The following NTM variants were observed in gnomAD, a reference collection of about 807,000 sequenced individuals.
NTM encodes the protein IgLON family member 2.
NTM carries 13 observed loss-of-function variants against 42.1 expected under a neutral mutation model. That is an observed-to-expected ratio of 0.31 (90% confidence interval 0.20 to 0.49). NTM has a LOEUF of 0.49. Among genes scored for constraint, NTM ranks in the 20% least tolerant of loss-of-function variants. The probability of loss-of-function intolerance (pLI) is 0.99; values close to 1 mark genes in which losing one functional copy is unlikely to be tolerated. For synonymous variants in NTM, 187 were observed against 179.2 expected (o/e 1.04, Z -0.35); for missense variants, 373 against 452.8 (o/e 0.82, Z 1.60).
At chr11:132,148,309 A>AT (rs2071037780) in intron 3 of NTM, among the ~76,000 whole-genome samples, 1 of 152,216 alleles carries the variant, frequency 6.6e-6, no homozygotes, top group Non-Finnish European at 1.5e-5. Flanking sequence ...TGTAAAATAC[A>AT]TTTTTTATTA....
chr11:132,124,129 C>T (rs1219169742), intron 2 of NTM, among the ~76,000 whole-genome samples: 1 of 152,174 alleles, frequency 6.6e-6, no homozygotes, highest in Non-Finnish European at 1.5e-5. Context: ...CTGGCACACT[C>T]CAGTGATCAA....
chr11:132,093,013 G>C (rs1054045547), intron 2 of NTM, among the ~76,000 whole-genome samples: 1 of 152,168 alleles, frequency 6.6e-6, no homozygotes, highest in African/African-American at 2.4e-5. Flanking sequence ...CAGCTAGAAA[G>C]AGCCTTTGAA....
chr11:132,242,155 T>C (rs2139228772), intron 4 of NTM, among the ~76,000 whole-genome samples: 1 of 152,332 alleles, frequency 6.6e-6, no homozygotes, highest in East Asian at 1.9e-4. Context: ...TCTCAGTCCT[T>C]AGCCTCAGAT....
intron 1 of NTM, among the ~76,000 whole-genome samples, chr11:131,574,023 T>C (rs2057702136): frequency 6.6e-6 from 1 of 152,184 alleles, no homozygotes; most frequent in African/African-American, 2.4e-5. Context: ...CAAATTGCTC[T>C]ATTCCCTCTC....
intron 1 of NTM, among the ~76,000 whole-genome samples, chr11:131,586,383 C>G (rs1202685709): frequency 6.6e-6 from 1 of 152,146 alleles, no homozygotes; most frequent in Non-Finnish European, 1.5e-5. Context: ...AATTAAGTTA[C>G]AAAAAGCCCA....
chr11:131,372,983 C>T (rs776241662), intron 1 of NTM, among the ~76,000 whole-genome samples: 2 of 152,064 alleles, frequency 1.3e-5, no homozygotes, highest in Non-Finnish European at 2.9e-5. Flanking sequence ...CACATTCTAC[C>T]GAATCCGGAA....
chr11:132,235,000 G>A (rs1432255772), intron 4 of NTM, among the ~76,000 whole-genome samples: 3 of 152,196 alleles, frequency 2.0e-5, no homozygotes, highest in Non-Finnish European at 4.4e-5. Context: ...CAGGCAACAT[G>A]CCTGCCTGTA....
chr11:131,445,650 C>T (rs1949999991), intron 1 of NTM, among the ~76,000 whole-genome samples: 1 of 152,106 alleles, frequency 6.6e-6, no homozygotes, highest in East Asian at 1.9e-4. Context: ...TGTAAGTGAC[C>T]AGGACACATG....
intron 1 of NTM, among the ~76,000 whole-genome samples, chr11:131,851,854 G>T (rs2045593183): frequency 6.6e-6 from 1 of 152,134 alleles, no homozygotes; most frequent in African/African-American, 2.4e-5. Flanking sequence ...AATGACACAA[G>T]ATAGAGAAGA....
At chr11:131,409,170 C>T (rs1003330491) in intron 1 of NTM, among the ~76,000 whole-genome samples, 15 of 152,226 alleles carry the variant, frequency 9.9e-5, no homozygotes, top group Non-Finnish European at 1.9e-4. Flanking sequence ...GGCAGGTGTA[C>T]AGCCAAATAC....
At chr11:131,747,026 C>T (rs1591569933) in intron 1 of NTM, among the ~76,000 whole-genome samples, 1 of 152,258 alleles carries the variant, frequency 6.6e-6, no homozygotes, top group East Asian at 1.9e-4. Flanking sequence ...AAATGACATA[C>T]ATATTTTTTA....
At chr11:131,821,851 C>T (rs1189754624) in intron 1 of NTM, among the ~76,000 whole-genome samples, 24 of 152,156 alleles carry the variant, frequency 1.6e-4, no homozygotes, top group Non-Finnish European at 2.9e-5. Context: ...AAGCTGATTT[C>T]ACAGAACTTT....
chr11:131,474,665 T>A (rs1364761622), intron 1 of NTM, among the ~76,000 whole-genome samples: 1 of 152,168 alleles, frequency 6.6e-6, no homozygotes, highest in African/African-American at 2.4e-5. Flanking sequence ...TCAACATTCA[T>A]CTCTTCCCGT....
intron 1 of NTM, among the ~76,000 whole-genome samples, chr11:131,618,745 C>T (rs998066607): frequency 6.6e-6 from 1 of 152,280 alleles, no homozygotes; most frequent in African/African-American, 2.4e-5. Flanking sequence ...GAAAAGCCAA[C>T]GTGTTCTGGA....
At chr11:131,686,115 C>A (rs1592549169) in intron 1 of NTM, among the ~76,000 whole-genome samples, 1 of 152,240 alleles carries the variant, frequency 6.6e-6, no homozygotes, top group African/African-American at 2.4e-5. Context: ...AGGCCACAGA[C>A]CACGGTCTCC....
chr11:131,998,438 G>T (rs917550751), intron 2 of NTM, among the ~76,000 whole-genome samples: 12 of 152,182 alleles, frequency 7.9e-5, no homozygotes, highest in African/African-American at 2.9e-4. Context: ...GCAAGGCTCT[G>T]CTTGGGGCCA....
chr11:131,426,531 G>T (rs762648394), intron 1 of NTM, among the ~76,000 whole-genome samples: 1 of 152,198 alleles, frequency 6.6e-6, no homozygotes, highest in African/African-American at 2.4e-5. Context: ...AAAGGTCTGC[G>T]AAATCAGATC....
chr11:132,122,363 A>G (rs1421354935), intron 2 of NTM, among the ~76,000 whole-genome samples: 3 of 152,150 alleles, frequency 2.0e-5, no homozygotes, highest in Admixed American at 1.3e-4. Flanking sequence ...TTCTTTTCCA[A>G]CTGGTTTTAT....
chr11:131,660,363 C>T (rs1464877576), intron 1 of NTM: 1 of 403,074 alleles, frequency 2.5e-6, no homozygotes, highest in Admixed American at 2.9e-5. Flanking sequence ...CATTCACACC[C>T]AAACCAGGAG....
Sources: allele counts gnomAD v4.1 joint callset (sites outside exome capture counted in the v4.1 genomes callset), GRCh38; gene constraint gnomAD v4.1.1; transcripts MANE v1.5; gene names NCBI Gene and HGNC (gene_info 2026-07-23, HGNC 2026-07-21).